LINGO2: variants seen among roughly 807,000 people sequenced by gnomAD.
The protein encoded by LINGO2 is leucine-rich repeat and immunoglobulin-like domain-containing nogo receptor-interacting protein 2.
LINGO2 carries 14 observed loss-of-function variants against 30.6 expected under a neutral mutation model. The observed-to-expected ratio is 0.46, with a 90% CI of 0.30 to 0.72. The LOEUF is 0.72. Among genes scored for constraint, LINGO2 ranks in the 30% least tolerant of loss-of-function variants. LINGO2 has a pLI of 0.07. For synonymous variants in LINGO2, 317 were observed against 288.5 expected, an observed-to-expected ratio of 1.10 and a Z score of -1.00; for missense variants, 729 against 751.7, an observed-to-expected ratio of 0.97 and a Z score of 0.35.
intron 1 of LINGO2, among the ~76,000 whole-genome samples, chr9:28,549,081 T>C (rs939755923): frequency 6.6e-5 from 10 of 152,096 alleles, no homozygotes; most frequent in African/African-American, 2.4e-4. Context: ...TTTAATGACA[T>C]ACAATTGCTT....
intron 4 of LINGO2, among the ~76,000 whole-genome samples, chr9:28,152,014 C>T (rs374100116): frequency 2.0e-5 from 3 of 152,210 alleles, no homozygotes; most frequent in East Asian, 3.9e-4. Context: ...GGCTTAATAA[C>T]CCTACCAAAT....
chr9:28,763,377 A>C, the LINGO2 span, among the ~76,000 whole-genome samples: 1 of 152,076 alleles, frequency 6.6e-6, no homozygotes, highest in East Asian at 1.9e-4. Context: ...AATCAGTAAC[A>C]GTGAGAAAAT....
chr9:28,874,314 T>C, the LINGO2 span, among the ~76,000 whole-genome samples: 1,161 of 152,130 alleles, frequency 7.6e-3, 12 homozygotes, highest in Middle Eastern at 0.031. Flanking sequence ...TATCTCACTG[T>C]GTAAGTGATA....
intron 1 of LINGO2, among the ~76,000 whole-genome samples, chr9:28,635,836 T>C (rs1380569732): frequency 6.6e-6 from 1 of 152,160 alleles, no homozygotes; most frequent in Non-Finnish European, 1.5e-5. Context: ...TTGTTTGTTT[T>C]ATTATACTTT....
intron 1 of LINGO2, among the ~76,000 whole-genome samples, chr9:28,589,890 C>G (rs1193009711): frequency 1.3e-5 from 2 of 152,096 alleles, no homozygotes; most frequent in Non-Finnish European, 2.9e-5. Flanking sequence ...ATCACACTAC[C>G]TGACTTCAAA....
chr9:28,076,676 T>C (rs1335968227), intron 4 of LINGO2, among the ~76,000 whole-genome samples: 1 of 152,170 alleles, frequency 6.6e-6, no homozygotes, highest in African/African-American at 2.4e-5. Flanking sequence ...AAAAAAAAAT[T>C]CTGGAATGGA....
the LINGO2 span, among the ~76,000 whole-genome samples, chr9:28,780,623 T>C: frequency 1.1e-4 from 17 of 152,276 alleles, no homozygotes; most frequent in African/African-American, 4.1e-4. Context: ...CTGATTTTAT[T>C]ACAAGTTACA....
At chr9:28,488,757 A>G (rs1216761227) in intron 1 of LINGO2, among the ~76,000 whole-genome samples, 1 of 152,186 alleles carries the variant, frequency 6.6e-6, no homozygotes, top group East Asian at 1.9e-4. Context: ...ATTTTTCTAG[A>G]AATAATCTCA....
At chr9:28,536,559 G>C (rs1821445936) in intron 1 of LINGO2, among the ~76,000 whole-genome samples, 1 of 152,066 alleles carries the variant, frequency 6.6e-6, no homozygotes, top group Admixed American at 6.6e-5. Flanking sequence ...ACAAGCAACA[G>C]AGGCAGACAG....
intron 1 of LINGO2, among the ~76,000 whole-genome samples, chr9:28,644,226 G>A (rs1023544407): frequency 2.0e-5 from 3 of 151,852 alleles, no homozygotes; most frequent in Non-Finnish European, 4.4e-5. Context: ...TCAGTATATC[G>A]AAGAGATAGC....
the LINGO2 span, among the ~76,000 whole-genome samples, chr9:29,099,404 C>T: frequency 6.6e-6 from 1 of 152,032 alleles, no homozygotes; most frequent in African/African-American, 2.4e-5. Context: ...AGATAAAAAG[C>T]TTCTGCAATG....
At chr9:28,908,977 C>T in the LINGO2 span, among the ~76,000 whole-genome samples, 1 of 151,770 alleles carries the variant, frequency 6.6e-6, no homozygotes, top group South Asian at 2.1e-4. Flanking sequence ...TTTTAGGTTG[C>T]AATCCAATTT....
chr9:28,888,043 T>C, the LINGO2 span, among the ~76,000 whole-genome samples: 1 of 152,142 alleles, frequency 6.6e-6, no homozygotes, highest in African/African-American at 2.4e-5. Flanking sequence ...AGAGGAACTT[T>C]ATCACTAATT....
chr9:28,191,509 A>G (rs1819822304), intron 4 of LINGO2, among the ~76,000 whole-genome samples: 1 of 152,224 alleles, frequency 6.6e-6, no homozygotes, highest in South Asian at 2.1e-4. Context: ...TCATTTATCT[A>G]GCGATCCTTC....
the LINGO2 span, among the ~76,000 whole-genome samples, chr9:28,823,922 T>G: frequency 6.6e-6 from 1 of 152,220 alleles, no homozygotes; most frequent in South Asian, 2.1e-4. Context: ...TAGCCCTTAG[T>G]TATTAAACTA....
chr9:29,141,958 G>A, the LINGO2 span, among the ~76,000 whole-genome samples: 2 of 151,734 alleles, frequency 1.3e-5, no homozygotes, highest in South Asian at 4.1e-4. Flanking sequence ...AATAATAATA[G>A]TATATTTTAG....
the LINGO2 span, among the ~76,000 whole-genome samples, chr9:28,694,298 C>G: frequency 6.6e-6 from 1 of 151,728 alleles, no homozygotes; most frequent in African/African-American, 2.4e-5. Context: ...CTGCTAGTTT[C>G]CAAATGATTT....
chr9:29,085,908 C>T, the LINGO2 span, among the ~76,000 whole-genome samples: 3 of 152,248 alleles, frequency 2.0e-5, no homozygotes, highest in Middle Eastern at 6.8e-3. Flanking sequence ...TTAGCCTCTA[C>T]ACTACTTATT....
At chr9:28,211,368 G>C (rs988061910) in intron 4 of LINGO2, among the ~76,000 whole-genome samples, 5 of 150,152 alleles carry the variant, frequency 3.3e-5, no homozygotes, top group Non-Finnish European at 5.9e-5. Context: ...TCTCCAGAGA[G>C]CACCTGTTAA....
Sources: allele counts gnomAD v4.1 joint callset (sites outside exome capture counted in the v4.1 genomes callset), GRCh38; gene constraint gnomAD v4.1.1; transcripts MANE v1.5; gene names NCBI Gene and HGNC (gene_info 2026-07-23, HGNC 2026-07-21).